Variants in ITIH5 observed in about 807,000 individuals in gnomAD.
ITIH5 encodes inter-alpha-trypsin inhibitor heavy chain 5.
ITIH5 carries 65 observed loss-of-function variants against 77.5 expected under a neutral mutation model. That is an observed-to-expected ratio of 0.84 (90% confidence interval 0.69 to 1.03). The LOEUF (loss-of-function observed/expected upper bound fraction) is 1.03. ITIH5 is among the 50% of genes least tolerant of loss of function. The pLI, the probability that ITIH5 is intolerant of heterozygous loss-of-function variation, is 0.00. For missense variants in ITIH5, 1,208 were observed against 1,213.1 expected (o/e 1.00, Z 0.06); for synonymous variants, 525 against 494.3 (o/e 1.06, Z -0.82).
In ITIH5 at chr10:7,572,297, G is replaced by C. The variant is rs1289161098; in HGVS notation, c.2032+845C>G. On this transcript the variant is annotated intron_variant, in intron 11 of 13. Coordinates refer to ENST00000397146, the MANE Select transcript of ITIH5 (RefSeq NM_030569.7). ...CACAGCAGAACAAAACCCAGTCATAGGTTGTTCTTTCCTCTGAATTTTTAT... is the reference window on the plus strand; with the variant it reads ...CACAGCAGAACAAAACCCAGTCATACGTTGTTCTTTCCTCTGAATTTTTAT... 4 of 1,365,692 alleles carry C rather than the reference G, an allele frequency of 2.9e-6. No individual in the cohort carries two copies. The Admixed American group carries it at 7.7e-5, about 26-fold the overall frequency. 84.6% of individuals were successfully genotyped at this position (1,365,692 alleles called of 1,614,324 possible). A position where few individuals can be genotyped will look rare whatever the true frequency, so the allele number is the denominator to read the frequency against.
chr10:7,579,629 G>C (rs78580979), intron 9 of ITIH5, 126 bp downstream of exon 9: 9,626 of 899,848 alleles, frequency 0.011, 79 homozygotes, highest in Middle Eastern at 0.019. Context: ...CCATTGCAAT[G>C]AGCTATGATC....
In ITIH5 at chr10:7,665,816, C is replaced by A. The variant is rs551980972; in HGVS notation, c.90+987G>T. On this transcript the variant is annotated intron_variant, in intron 1 of 13. Transcript: ENST00000397146. ...CACTTTTCCAACATCACTACGATGC[C>A]TCCTGGGATTTTATTAGCTACTCCC... is the stretch of plus-strand genomic sequence containing the variant. Among the ~76,000 whole-genome samples, 5 of 152,292 alleles carry A rather than the reference C, an allele frequency of 3.3e-5. No homozygotes were observed. The East Asian group carries it at 7.7e-4, about 23-fold the overall frequency.
intron 13 of ITIH5, among the ~76,000 whole-genome samples, chr10:7,564,793 TAC>T (rs1425816111): frequency 1.3e-5 from 2 of 151,350 alleles, no homozygotes; most frequent in African/African-American, 2.4e-5. Context: ...CACACATATA[TAC>T]AGACTGTGTG....
intron 5 of ITIH5, chr10:7,622,182 C>G (rs1340647392): frequency 1.3e-5 from 2 of 152,232 alleles, no homozygotes; most frequent in Non-Finnish European, 2.9e-5. Context: ...CCCTGCCTCT[C>G]AGGCCACCAG....
intron 8 of ITIH5, among the ~76,000 whole-genome samples, chr10:7,581,070 G>A (rs183060927): frequency 2.6e-5 from 4 of 152,118 alleles, no homozygotes; most frequent in African/African-American, 4.8e-5. Flanking sequence ...GACCAGCCTC[G>A]CTAACATGGC....
intron 10 of ITIH5, among the ~76,000 whole-genome samples, chr10:7,574,709 C>T (rs1284100495): frequency 6.9e-6 from 1 of 145,864 alleles, no homozygotes; most frequent in African/African-American, 2.6e-5. Flanking sequence ...AGGAGAATAG[C>T]GTGAACCTGG....
chr10:7,617,200 T>C lies in ITIH5; in HGVS notation c.735A>G (p.Gln245=), dbSNP rs781516745. The part of the protein sequence containing the change: ...ANIIFKPTVV[Q]QARIAQNGIL... ...TTCCATTCTGGGCAATCCTGGCTTGTTGTACTACAGTAGGTTTAAAAATTA... is the reference window on the plus strand; with the variant it reads ...TTCCATTCTGGGCAATCCTGGCTTGCTGTACTACAGTAGGTTTAAAAATTA... Residue 245 remains glutamine, a synonymous_variant, in exon 6 of 14, where the codon CAA becomes CAG. Coordinates refer to ENST00000397146, the MANE Select transcript of ITIH5 (RefSeq NM_030569.7). 36 of 1,607,050 alleles carry C rather than the reference T, an allele frequency of 2.2e-5. No homozygotes were observed. The highest frequency in any genetic ancestry group is 1.6e-4 in the Middle Eastern group (1 of 6,070).
At chr10:7,608,716 G>C (rs1833181852) in intron 7 of ITIH5, among the ~76,000 whole-genome samples, 1 of 152,196 alleles carries the variant, frequency 6.6e-6, no homozygotes, top group Non-Finnish European at 1.5e-5. Flanking sequence ...CTACATTTCT[G>C]CCATCTGCAC....
rs554709240 is a variant in ITIH5 at position 7,576,991 on chromosome 10, G to A, written c.1440C>T (p.Thr480=). Residue 480 remains threonine (T), a synonymous_variant, in exon 10 of 14, where the codon ACC becomes ACT. Transcript: ENST00000397146. ...QLIGFYDEIR[T]PLLSDIRIDY... is the part of the protein sequence containing the mutation. ...CGATGCGGATGTCAGAGAGGAGCGG[G>A]GTCCTGATTTCATCGTAGAACCTGC... The A allele has an allele frequency of 3.1e-6, 5 of 1,610,522 alleles. No individual in the cohort carries two copies. Among genetic ancestry groups the A allele is most frequent in the African/African-American group, 2.7e-5 (2 of 74,942 alleles).
chr10:7,639,804 A>G (rs1468215149), intron 4 of ITIH5, among the ~76,000 whole-genome samples: 2 of 152,190 alleles, frequency 1.3e-5, no homozygotes, highest in Non-Finnish European at 2.9e-5. Flanking sequence ...AAACAAAAGA[A>G]AGAATAAAAG....
intron 2 of ITIH5, among the ~76,000 whole-genome samples, chr10:7,653,928 G>A (rs1262048497): frequency 2.6e-5 from 4 of 152,246 alleles, no homozygotes; most frequent in African/African-American, 7.2e-5. Context: ...GCCGAGGTGG[G>A]CGGATCACCT....
intron 7 of ITIH5, among the ~76,000 whole-genome samples, chr10:7,597,204 C>T (rs1832921641): frequency 6.6e-6 from 1 of 152,004 alleles, no homozygotes; most frequent in South Asian, 2.1e-4. Context: ...GCTGTAGTGA[C>T]AAGTCAGCCT....
At chr10:7,628,966 TTG>T (rs1833648738) in intron 5 of ITIH5, among the ~76,000 whole-genome samples, 3 of 135,034 alleles carry the variant, frequency 2.2e-5, no homozygotes, top group Admixed American at 7.4e-5. Flanking sequence ...TGTGTCCGTG[TTG>T]TAGCATGTGT....
intron 4 of ITIH5, among the ~76,000 whole-genome samples, chr10:7,638,659 T>C (rs918945927): frequency 1.3e-5 from 2 of 151,914 alleles, no homozygotes; most frequent in African/African-American, 2.4e-5. Context: ...AAAATAAAGG[T>C]GAAAGCCAAG....
At chr10:7,653,469 A>G (rs1588430201) in intron 2 of ITIH5, among the ~76,000 whole-genome samples, 1 of 152,100 alleles carries the variant, frequency 6.6e-6, no homozygotes, top group East Asian at 1.9e-4. Context: ...CAGCCTCCCA[A>G]ACTGCTGAGA....
chr10:7,605,155 G>C (rs1305199111), intron 7 of ITIH5, among the ~76,000 whole-genome samples: 1 of 151,930 alleles, frequency 6.6e-6, no homozygotes, highest in African/African-American at 2.4e-5. Context: ...AAATTCTAAA[G>C]TTCTCGGTGA....
chr10:7,566,911 GA>G, intron 12 of ITIH5, among the ~76,000 whole-genome samples: 1 of 102,774 alleles, frequency 9.7e-6, no homozygotes. Context: ...AGAAGAAGAA[GA>G]AGAAGAAGAA....
At chr10:7,601,795 T>A (rs1459605352) in intron 7 of ITIH5, among the ~76,000 whole-genome samples, 3 of 152,198 alleles carry the variant, frequency 2.0e-5, no homozygotes, top group Admixed American at 6.5e-5. Context: ...GTAGAATTGT[T>A]GATCACATGC....
intron 12 of ITIH5, among the ~76,000 whole-genome samples, chr10:7,568,571 A>G (rs188873472): frequency 3.5e-5 from 5 of 142,314 alleles, no homozygotes; most frequent in Admixed American, 6.7e-5. Flanking sequence ...ACAAGAAAAC[A>G]TGTGTTGAAG....
Sources: gnomAD v4.1 joint callset for allele counts (sites outside exome capture counted in the v4.1 genomes callset) on GRCh38, gnomAD v4.1.1 for gene constraint, MANE v1.5 for transcripts, NCBI Gene and HGNC (gene_info 2026-07-23, HGNC 2026-07-21) for gene names.